The following CALN1 variants were observed in gnomAD, a reference collection of about 807,000 sequenced individuals.
The protein encoded by CALN1 is calcium-binding protein 8.
Under a neutral mutation model 30.6 loss-of-function variants are expected in CALN1, and 17 were observed. That is an observed-to-expected ratio of 0.56 (90% confidence interval 0.38 to 0.83). CALN1 has a LOEUF of 0.83. Among genes scored for constraint, CALN1 ranks in the 40% least tolerant of loss-of-function variants. The pLI, the probability that CALN1 is intolerant of heterozygous loss-of-function variation, is 0.00. For synonymous variants in CALN1, 156 were observed against 131.4 expected, an observed-to-expected ratio of 1.19 and a Z score of -1.28; for missense variants, 291 against 354.9, an observed-to-expected ratio of 0.82 and a Z score of 1.45.
intron 1 of CALN1, among the ~76,000 whole-genome samples, chr7:72,425,968 C>A (rs1436927714): frequency 2.0e-5 from 3 of 152,304 alleles, no homozygotes; most frequent in Admixed American, 2.0e-4. Flanking sequence ...CATAAGGAAC[C>A]ACAGCTAAGA....
At chr7:72,134,183 C>A (rs1023797475) in intron 3 of CALN1, among the ~76,000 whole-genome samples, 5 of 152,176 alleles carry the variant, frequency 3.3e-5, no homozygotes, top group Admixed American at 2.6e-4. Flanking sequence ...AGCAACAGGG[C>A]GCCATCTTGG....
At chr7:72,256,358 G>A (rs1056320869) in intron 3 of CALN1, among the ~76,000 whole-genome samples, 1 of 152,076 alleles carries the variant, frequency 6.6e-6, no homozygotes, top group Non-Finnish European at 1.5e-5. Context: ...TACTTGGGAG[G>A]CTGAGGTAGG....
chr7:72,147,481 G>GATGTGGATAAATAGGAAC (rs775589538), intron 3 of CALN1, among the ~76,000 whole-genome samples: 1 of 100,838 alleles, frequency 9.9e-6, no homozygotes. Flanking sequence ...TGTTGGAGAG[G>GATGTGGATAAATAGGAAC]ACTGTTACAC....
intron 5 of CALN1, among the ~76,000 whole-genome samples, chr7:71,851,156 G>A (rs759518217): frequency 6.6e-6 from 1 of 151,490 alleles, no homozygotes; most frequent in Non-Finnish European, 1.5e-5. Context: ...ACAGTGACCT[G>A]TGACTGCATC....
intron 1 of CALN1, among the ~76,000 whole-genome samples, chr7:72,436,783 C>T (rs922575642): frequency 6.6e-6 from 1 of 152,176 alleles, no homozygotes; most frequent in Non-Finnish European, 1.5e-5. Flanking sequence ...GCTGTTGATG[C>T]TGCAAATTCT....
chr7:72,205,101 G>A (rs1394428777), intron 3 of CALN1, among the ~76,000 whole-genome samples: 2 of 151,514 alleles, frequency 1.3e-5, no homozygotes, highest in East Asian at 1.9e-4. Context: ...TAAAAGTTGG[G>A]GATTCTTCTC....
At position 71,938,260 on chromosome 7, in the gene CALN1, G is replaced by A. The variant is rs189730708; in HGVS notation, c.501+85397C>T. ...AGTGAGAAAGTTGTGATACAATGAC[G>A]ACAGACTTTTTTTTGCTTATTTGGT... On this transcript the variant is annotated intron_variant, in intron 5 of 6. Coordinates refer to ENST00000395275, the MANE Select transcript of CALN1 (RefSeq NM_031468.4). Among the ~76,000 whole-genome samples the A allele has an allele frequency of 5.3e-5, 8 of 152,284 alleles. No individual in the cohort carries two copies. In the East Asian group the frequency reaches 1.2e-3, roughly 22 times the overall value.
chr7:72,403,349 G>A lies in CALN1; in HGVS notation c.21C>T (p.Pro7=), dbSNP rs141545639. ...TCTCATTCTCGGGCTTCCCCTCTCCGGGTTGCTCTGGCAGCCGCATCGGGG... is the reference window on the plus strand; with the variant it reads ...TCTCATTCTCGGGCTTCCCCTCTCCAGGTTGCTCTGGCAGCCGCATCGGGG... The part of the protein sequence containing the change: MRLPEQ[P]GEGKPENEKK... The change falls in exon 2 of 7, where the codon CCC becomes CCT. Residue 7 remains proline, a synonymous_variant. Coordinates refer to ENST00000395275, the MANE Select transcript of CALN1 (RefSeq NM_031468.4). 240 of 1,548,086 alleles carry A rather than the reference G, an allele frequency of 1.6e-4. No homozygotes were observed. The African/African-American group carries it at 3.0e-3, about 19-fold the overall frequency.
At chr7:72,251,624 C>A (rs1795564938) in intron 3 of CALN1, among the ~76,000 whole-genome samples, 1 of 152,070 alleles carries the variant, frequency 6.6e-6, no homozygotes, top group Non-Finnish European at 1.5e-5. Context: ...TAGTCTCAAA[C>A]TTCTGGGCTC....
At chr7:71,826,545 G>A (rs1414000876) in intron 5 of CALN1, among the ~76,000 whole-genome samples, 1 of 152,124 alleles carries the variant, frequency 6.6e-6, no homozygotes, top group African/African-American at 2.4e-5. Context: ...AAGCAGCTCT[G>A]ACCCCAACCC....
At chr7:72,448,880 C>T (rs1808602194), upstream of CALN1, among the ~76,000 whole-genome samples, 1 of 152,204 alleles carries the variant, frequency 6.6e-6, no homozygotes, top group Non-Finnish European at 1.5e-5. Flanking sequence ...GCTGGGATTA[C>T]AGGCGTGAGC....
chr7:72,007,670 G>A (rs1430637565), intron 5 of CALN1, among the ~76,000 whole-genome samples: 2 of 152,096 alleles, frequency 1.3e-5, no homozygotes, highest in African/African-American at 4.8e-5. Context: ...CCATGAGTGC[G>A]AGAGCCTTGT....
chr7:72,400,404 G>A (rs181233450), intron 2 of CALN1, among the ~76,000 whole-genome samples: 2 of 152,284 alleles, frequency 1.3e-5, no homozygotes, highest in East Asian at 1.9e-4. Flanking sequence ...AGAAACCCAA[G>A]AGACTTAGCT....
intron 3 of CALN1, among the ~76,000 whole-genome samples, chr7:72,220,656 C>A (rs1183540238): frequency 6.6e-6 from 1 of 150,550 alleles, no homozygotes; most frequent in African/African-American, 2.4e-5. Flanking sequence ...TACAGTCCCA[C>A]CAACAGTGTA....
At chr7:72,408,020 G>T (rs1001497197) in intron 1 of CALN1, among the ~76,000 whole-genome samples, 6 of 152,172 alleles carry the variant, frequency 3.9e-5, no homozygotes, top group Non-Finnish European at 8.8e-5. Context: ...ATGCAAATAT[G>T]CACTGTATGG....
chr7:71,994,935 C>T (rs1433451796), intron 5 of CALN1, among the ~76,000 whole-genome samples: 1 of 150,708 alleles, frequency 6.6e-6, no homozygotes, highest in Admixed American at 6.7e-5. Context: ...TCACTGCAGG[C>T]TCCGCCTCCC....
intron 5 of CALN1, among the ~76,000 whole-genome samples, chr7:71,845,310 C>T (rs1790166313): frequency 6.6e-6 from 1 of 152,218 alleles, no homozygotes; most frequent in Admixed American, 6.5e-5. Context: ...ATTCATCTTT[C>T]CAATTTGGCA....
At chr7:72,414,504 C>G (rs1807361172), upstream of CALN1, among the ~76,000 whole-genome samples, 1 of 152,174 alleles carries the variant, frequency 6.6e-6, no homozygotes. Context: ...TCACTCCCCA[C>G]TCCACCCTAA....
At chr7:72,132,683 T>C (rs1859485) in intron 3 of CALN1, among the ~76,000 whole-genome samples, 63,548 of 152,030 alleles carry the variant, frequency 0.42, 14,542 homozygotes, top group East Asian at 0.96. Flanking sequence ...TCTGCACTTA[T>C]ATGCTACTGG....
Sources: gnomAD v4.1 joint callset for allele counts (sites outside exome capture counted in the v4.1 genomes callset) on GRCh38, gnomAD v4.1.1 for gene constraint, MANE v1.5 for transcripts, NCBI Gene and HGNC (gene_info 2026-07-23, HGNC 2026-07-21) for gene names.